FAT3: variants seen among roughly 807,000 people sequenced by gnomAD.
The protein encoded by FAT3 is protocadherin Fat 3.
A neutral mutation model predicts 310.2 loss-of-function variants in FAT3; 95 were observed. The observed-to-expected ratio is 0.31, with a 90% CI of 0.26 to 0.36. The LOEUF (loss-of-function observed/expected upper bound fraction) is 0.36. Ranked by LOEUF, FAT3 falls within the 10% of genes least tolerant of loss-of-function variation. The pLI, the probability that FAT3 is intolerant of heterozygous loss-of-function variation, is 1.00. For missense variants in FAT3, 5,408 were observed against 5,715.6 expected (o/e 0.95, Z 1.74); for synonymous variants, 2,314 against 2,192.9 (o/e 1.06, Z -1.54).
At chr11:92,573,164 T>C (rs1938272952) in intron 3 of FAT3, among the ~76,000 whole-genome samples, 1 of 152,164 alleles carries the variant, frequency 6.6e-6, no homozygotes, top group African/African-American at 2.4e-5. Flanking sequence ...CCATTTCTCA[T>C]AAGCCAACAT....
chr11:92,536,931 T>C (rs1954277782), intron 3 of FAT3, among the ~76,000 whole-genome samples: 1 of 152,186 alleles, frequency 6.6e-6, no homozygotes, highest in African/African-American at 2.4e-5. Context: ...ATCCAGATTT[T>C]AGTCCAGACC....
chr11:92,491,977 C>T (rs547747951), intron 2 of FAT3, among the ~76,000 whole-genome samples: 2 of 152,148 alleles, frequency 1.3e-5, no homozygotes, highest in East Asian at 1.9e-4. Context: ...TATCCATCTG[C>T]GTGGTCTATA....
At chr11:92,371,186 A>G (rs1949176232) in intron 2 of FAT3, among the ~76,000 whole-genome samples, 4 of 152,356 alleles carry the variant, frequency 2.6e-5, no homozygotes, top group African/African-American at 7.2e-5. Context: ...TTTCTGTGCC[A>G]GGTGTTAAAT....
Position 92,353,399 on chromosome 11 carries a change from T to G in FAT3, c.1287T>G (p.Ile429Met), listed in dbSNP as rs751098039. The change falls in exon 2 of 28, where the codon ATT (isoleucine) becomes ATG (methionine). Residue 429 changes from isoleucine to methionine, a missense_variant. Physicochemically the swap from Ile to Met is conservative, Grantham distance 10. Transcript: ENST00000525166. ...AAATTAATCCTCGGTCGGGTCTGAT[T>G]GTTACAGCACGGCCACTGAATACTG... Reference protein sequence around the residue: ...YFKINPRSGLIVTARPLNTVK... With the variant: ...YFKINPRSGLMVTARPLNTVK... The G allele has an allele frequency of 5.6e-6, 9 of 1,613,404 alleles. No individual in the cohort carries two copies. Among genetic ancestry groups the G allele is most frequent in the Non-Finnish European group, 5.9e-6 (7 of 1,179,778 alleles).
chr11:92,643,558 C>A (rs1435732901), intron 3 of FAT3, among the ~76,000 whole-genome samples: 1 of 152,122 alleles, frequency 6.6e-6, no homozygotes, highest in Non-Finnish European at 1.5e-5. Flanking sequence ...GTTATGCTTC[C>A]AACAAGGAGG....
intron 18 of FAT3, among the ~76,000 whole-genome samples, chr11:92,842,271 G>A (rs115946163): frequency 0.02 from 3,079 of 152,298 alleles, 100 homozygotes; most frequent in African/African-American, 0.07. Flanking sequence ...CAGACTTTCA[G>A]ATTTTGAATT....
intron 2 of FAT3, among the ~76,000 whole-genome samples, chr11:92,387,072 GT>G (rs1949642457): frequency 2.6e-5 from 1 of 38,518 alleles, no homozygotes; most frequent in South Asian, 9.3e-4. Flanking sequence ...TAGTGTGTGT[GT>G]GTGTGTGTGT....
chr11:92,551,627 A>G (rs959018944), intron 3 of FAT3, among the ~76,000 whole-genome samples: 3 of 152,052 alleles, frequency 2.0e-5, no homozygotes, highest in Admixed American at 1.3e-4. Flanking sequence ...CAAAGAAACC[A>G]TTTCTTACTG....
intron 11 of FAT3, 140 bp from the exon 12 acceptor site, chr11:92,806,222 A>G: frequency 1.4e-6 from 1 of 698,814 alleles, no homozygotes; most frequent in Non-Finnish European, 2.4e-6. Flanking sequence ...ATATTGAAAT[A>G]TGTTTCTGTA....
Position 92,844,548 on chromosome 11 carries a change from A to T in FAT3, c.11181A>T (p.Arg3727Ser). 6.2e-7 allele frequency: 1 copy of T among 1,614,028 alleles called. No individual in the cohort carries two copies. The highest frequency in any genetic ancestry group is 1.6e-4 in the Middle Eastern group (1 of 6,062). The change falls in exon 19 of 28, where the codon AGA becomes AGT. Residue 3727 changes from arginine (R) to serine (S), a missense_variant. Transcript: ENST00000525166. Reference sequence around the variant, plus strand: ...TCCAGAAGCTGTCCAATGCTAGAAGACACCTGGAGAATATCATGCGCATCT... The same window carrying T: ...TCCAGAAGCTGTCCAATGCTAGAAGTCACCTGGAGAATATCATGCGCATCT... ...YLIQKLSNAR[R>S]HLENIMRISA...
chr11:92,697,738 CAG>C (rs1339292942), intron 4 of FAT3, among the ~76,000 whole-genome samples: 1 of 152,132 alleles, frequency 6.6e-6, no homozygotes, highest in Admixed American at 6.6e-5. Flanking sequence ...AAAGAAAGTT[CAG>C]GAGCAGAGCC....
chr11:92,320,345 A>G (rs768522947), intron 1 of FAT3, among the ~76,000 whole-genome samples: 9 of 152,154 alleles, frequency 5.9e-5, no homozygotes, highest in Non-Finnish European at 1.3e-4. Flanking sequence ...TAACAGCAGA[A>G]CATCGTTTAT....
chr11:92,452,126 C>A (rs578183676), intron 2 of FAT3, among the ~76,000 whole-genome samples: 1 of 152,236 alleles, frequency 6.6e-6, no homozygotes, highest in Admixed American at 6.5e-5. Flanking sequence ...TGCTTTCAGC[C>A]AATGGGAGTT....
intron 1 of FAT3, among the ~76,000 whole-genome samples, chr11:92,270,262 A>G (rs1946087764): frequency 6.6e-6 from 1 of 151,966 alleles, no homozygotes; most frequent in Non-Finnish European, 1.5e-5. Context: ...AGTCTCCTTT[A>G]TTGATCCTCC....
chr11:92,447,559 C>T lies in FAT3; in HGVS notation c.3293-77075C>T, dbSNP rs953599974. ...AATGTTTCATTTTCCCCAAACTGAA[C>T]TACAGTAATTGTACAAAGTAAGGTA... is the stretch of plus-strand genomic sequence containing the variant. On this transcript the variant is annotated intron_variant, in intron 2 of 27. Coordinates refer to ENST00000525166, the MANE Select transcript of FAT3 (RefSeq NM_001367949.2). 1.3e-5 allele frequency among the ~76,000 whole-genome samples: 2 copies of T among 152,096 alleles called. 1 individual carries two copies. Among genetic ancestry groups the T allele is most frequent in the African/African-American group, 4.8e-5 (2 of 41,406 alleles).
rs1454634981 is a variant in FAT3, at chr11:92,790,098, T to A, written c.4491T>A (p.Val1497=). 5 of 1,613,708 alleles carry A rather than the reference T, an allele frequency of 3.1e-6. No homozygotes were observed. ...RDEKHKLSYT[V]HSSIDSISMR... ...AGAAGCACAAGCTGAGCTACACTGT[T>A]CATAGCAGCATCGACTCCATCAGCA... The change falls in exon 8 of 28, where the codon GTT becomes GTA. Residue 1497 remains valine, a synonymous_variant. Coordinates refer to ENST00000525166, the MANE Select transcript of FAT3 (RefSeq NM_001367949.2).
intron 3 of FAT3, among the ~76,000 whole-genome samples, chr11:92,616,481 A>C (rs1236157582): frequency 6.6e-6 from 1 of 152,120 alleles, no homozygotes; most frequent in Non-Finnish European, 1.5e-5. Flanking sequence ...ATTTACATTT[A>C]AGGTTAATAT....
intron 2 of FAT3, among the ~76,000 whole-genome samples, chr11:92,456,772 A>G (rs1017946962): frequency 2.6e-5 from 4 of 152,158 alleles, no homozygotes; most frequent in Non-Finnish European, 4.4e-5. Flanking sequence ...TAATGATTAA[A>G]TACTATTCCA....
intron 2 of FAT3, among the ~76,000 whole-genome samples, chr11:92,466,146 G>T (rs1448080213): frequency 1.3e-5 from 2 of 152,126 alleles, no homozygotes; most frequent in Non-Finnish European, 1.5e-5. Context: ...TGGTAGGAAT[G>T]ATCAAATATG....
Sources: allele counts gnomAD v4.1 joint callset (sites outside exome capture counted in the v4.1 genomes callset), GRCh38; gene constraint gnomAD v4.1.1; transcripts MANE v1.5; gene names NCBI Gene and HGNC (gene_info 2026-07-23, HGNC 2026-07-21).